The following PCDHA1 variants were observed in gnomAD, a reference collection of about 807,000 sequenced individuals.
PCDHA1 encodes protocadherin alpha-1.
Under a neutral mutation model 61.3 loss-of-function variants are expected in PCDHA1, and 42 were observed. The observed-to-expected ratio is 0.69, with a 90% CI of 0.54 to 0.89. The LOEUF (loss-of-function observed/expected upper bound fraction) is 0.89, where lower values mean the gene tolerates loss of function less well. PCDHA1 is among the 40% of genes least tolerant of loss of function. The probability of loss-of-function intolerance (pLI) is 0.00; values close to 1 mark genes in which losing one functional copy is unlikely to be tolerated. For synonymous variants in PCDHA1, 610 were observed against 553.8 expected (o/e 1.10, Z -1.43); for missense variants, 1,256 against 1,235.3 (o/e 1.02, Z -0.25).
chr5:140,992,017 C>CTGTGTGTG (rs10602499), intron 3 of PCDHA1, among the ~76,000 whole-genome samples: 149 of 145,626 alleles, frequency 1.0e-3, no homozygotes, highest in African/African-American at 2.4e-3. Flanking sequence ...AGAGGTGGCT[C>CTGTGTGTG]TGTGTGTGTG....
intron 1 of PCDHA1, chr5:140,795,614 G>T (rs782378293): frequency 1.9e-6 from 3 of 1,614,150 alleles, no homozygotes; most frequent in Non-Finnish European, 2.5e-6. Flanking sequence ...GCTACTGATG[G>T]GGGCAAACCT....
At chr5:140,848,684 G>C (rs2040546580) in intron 1 of PCDHA1, 1 of 1,592,318 alleles carries the variant, frequency 6.3e-7, no homozygotes, top group African/African-American at 1.3e-5. Flanking sequence ...TGCCGCGCCT[G>C]TTCCAGTTGG....
At chr5:140,895,968 G>A (rs190056652) in intron 1 of PCDHA1, among the ~76,000 whole-genome samples, 2 of 151,938 alleles carry the variant, frequency 1.3e-5, no homozygotes, top group African/African-American at 2.4e-5. Context: ...CTGTCACCAG[G>A]CCTAGCTAAT....
intron 1 of PCDHA1, chr5:140,849,066 C>A (rs2040764051): frequency 6.5e-7 from 1 of 1,540,002 alleles, no homozygotes; most frequent in Non-Finnish European, 8.8e-7. Flanking sequence ...GCAGGTAAAA[C>A]CTCTTGGACT....
chr5:140,950,087 T>G (rs1433717313), intron 1 of PCDHA1, among the ~76,000 whole-genome samples: 3 of 151,938 alleles, frequency 2.0e-5, no homozygotes, highest in Admixed American at 6.6e-5. Flanking sequence ...ATGCTATAGT[T>G]TTCATTTGTA....
At chr5:140,791,771 A>G (rs1310618966) in intron 1 of PCDHA1, among the ~76,000 whole-genome samples, 1 of 152,214 alleles carries the variant, frequency 6.6e-6, no homozygotes, top group African/African-American at 2.4e-5. Context: ...TTAAAATGTC[A>G]TAGATATTCC....
chr5:140,815,973 G>A (rs1466366404), intron 1 of PCDHA1: 4 of 152,142 alleles, frequency 2.6e-5, no homozygotes, highest in African/African-American at 4.8e-5. Flanking sequence ...TCTTTTGTAC[G>A]TGATGAGGCA....
intron 1 of PCDHA1, chr5:140,928,542 C>A: frequency 6.2e-7 from 1 of 1,614,158 alleles, no homozygotes; most frequent in Non-Finnish European, 8.5e-7. Flanking sequence ...ATAGGAATGA[C>A]AATTATCCGG....
Position 140,828,566 on chromosome 5 carries a change from G to C in PCDHA1, c.2394+39882G>C, listed in dbSNP as rs148766603. The C allele has an allele frequency of 2.0e-5, 32 of 1,614,216 alleles. No homozygotes were observed. The African/African-American group carries it at 3.6e-4, about 18-fold the overall frequency. ...TGTGTTTCCACTGGAGGGCGCGTCC[G>C]ATGCAGATGTTGGCTCAAATTCCAT... is the stretch of plus-strand genomic sequence containing the variant. On this transcript the variant is annotated intron_variant, in intron 1 of 3. Transcript: ENST00000504120.
intron 3 of PCDHA1, among the ~76,000 whole-genome samples, chr5:140,993,758 T>C (rs1205942777): frequency 6.6e-6 from 1 of 152,226 alleles, no homozygotes; most frequent in Non-Finnish European, 1.5e-5. Flanking sequence ...GCCATTATAT[T>C]ACAATTGCGC....
chr5:140,883,787 T>C (rs2059820580), intron 1 of PCDHA1: 2 of 1,612,408 alleles, frequency 1.2e-6, no homozygotes, highest in Non-Finnish European at 1.7e-6. Context: ...GCTGTCGAGC[T>C]ACGTGTCGGT....
At chr5:140,889,242 TTC>T (rs1195440878) in intron 1 of PCDHA1, among the ~76,000 whole-genome samples, 1 of 151,892 alleles carries the variant, frequency 6.6e-6, no homozygotes, top group African/African-American at 2.4e-5. Flanking sequence ...CCAGAAAATT[TTC>T]TGTTTCCTGT....
chr5:140,794,871 A>G (rs1466971352), intron 1 of PCDHA1: 2 of 1,324,722 alleles, frequency 1.5e-6, no homozygotes, highest in East Asian at 2.3e-5. Context: ...AAGCGGAGGA[A>G]TAAGAGAAGC....
chr5:140,957,133 A>G (rs1308855631), intron 1 of PCDHA1, among the ~76,000 whole-genome samples: 4 of 152,222 alleles, frequency 2.6e-5, no homozygotes, highest in African/African-American at 9.6e-5. Context: ...TTACTACACT[A>G]TGAACTAAAA....
At chr5:140,870,746 T>A in intron 1 of PCDHA1, 1 of 1,613,488 alleles carries the variant, frequency 6.2e-7, no homozygotes, top group South Asian at 1.1e-5. Flanking sequence ...AGCAGCAACG[T>A]GACGCTGCAG....
intron 1 of PCDHA1, chr5:140,803,485 G>A (rs1562194526): frequency 3.7e-6 from 6 of 1,614,220 alleles, no homozygotes; most frequent in Middle Eastern, 1.6e-4. Context: ...TCTGGAGAGG[G>A]GTTGCCCAAG....
chr5:140,864,617 T>C (rs545757656), intron 1 of PCDHA1: 10 of 152,312 alleles, frequency 6.6e-5, no homozygotes, highest in African/African-American at 2.4e-4. Context: ...TTTGTTCTTT[T>C]TTAAAAAGAA....
chr5:140,897,561 G>A (rs1168105225), intron 1 of PCDHA1, among the ~76,000 whole-genome samples: 1 of 151,976 alleles, frequency 6.6e-6, no homozygotes, highest in Non-Finnish European at 1.5e-5. Flanking sequence ...GTGTATATGT[G>A]CCACATTTTC....
chr5:140,982,795 A>ATG (rs60616196), intron 3 of PCDHA1, among the ~76,000 whole-genome samples: 5,064 of 151,610 alleles, frequency 0.033, 263 homozygotes, highest in African/African-American at 0.11. Context: ...GCATGTGTGC[A>ATG]TGTGTGTGTG....
Sources: allele counts gnomAD v4.1 joint callset (sites outside exome capture counted in the v4.1 genomes callset), GRCh38; gene constraint gnomAD v4.1.1; transcripts MANE v1.5; gene names NCBI Gene and HGNC (gene_info 2026-07-23, HGNC 2026-07-21).